The following TEX36 variants were observed in gnomAD, a reference collection of about 807,000 sequenced individuals.
TEX36 encodes testis expressed 36.
A neutral mutation model predicts 13.6 loss-of-function variants in TEX36; 12 were observed. The observed-to-expected ratio is 0.88, with a 90% confidence interval of 0.56 to 1.43. The LOEUF (loss-of-function observed/expected upper bound fraction) is 1.43. Among genes scored for constraint, TEX36 ranks in the 40% most tolerant of loss-of-function variants. The pLI is 0.00. For missense variants in TEX36, 224 were observed against 228.3 expected, an observed-to-expected ratio of 0.98 and a Z score of 0.12; for synonymous variants, 93 against 83.0, an observed-to-expected ratio of 1.12 and a Z score of -0.65.
chr10:125,631,147 G>A (rs1041091185), intron 3 of TEX36, among the ~76,000 whole-genome samples: 3 of 152,230 alleles, frequency 2.0e-5, no homozygotes, highest in Admixed American at 1.3e-4. Context: ...CATGCTGAAA[G>A]GATTTTATTA....
chr10:125,650,035 C>T (rs1178304774), intron 3 of TEX36, among the ~76,000 whole-genome samples: 1 of 152,160 alleles, frequency 6.6e-6, no homozygotes, highest in East Asian at 1.9e-4. Context: ...TAGATTCCCA[C>T]ACAATAATTA....
At chr10:125,577,152 C>G (rs1235440578) in intron 3 of TEX36, among the ~76,000 whole-genome samples, 2 of 152,032 alleles carry the variant, frequency 1.3e-5, no homozygotes, top group Non-Finnish European at 2.9e-5. Flanking sequence ...GGGTTGAAAC[C>G]AGGAAGGAAG....
intron 3 of TEX36, among the ~76,000 whole-genome samples, 185 bp downstream of exon 3, chr10:125,660,836 G>A (rs1847023538): frequency 9.0e-6 from 1 of 111,356 alleles, no homozygotes; most frequent in Non-Finnish European, 2.0e-5. Context: ...TCTTGAAAGC[G>A]GCGTGGAATT....
At chr10:125,588,884 G>A (rs1425236403) in intron 3 of TEX36, among the ~76,000 whole-genome samples, 1 of 152,180 alleles carries the variant, frequency 6.6e-6, no homozygotes, top group Non-Finnish European at 1.5e-5. Flanking sequence ...CCAAAGTGCT[G>A]GGATTGCAGG....
At chr10:125,661,142 C>T (rs1847030497) in intron 2 of TEX36, 41 bp from the exon 3 acceptor site, 1 of 1,477,550 alleles carries the variant, frequency 6.8e-7, no homozygotes, top group East Asian at 2.5e-5. Flanking sequence ...CACATTAGAA[C>T]CCTGCATGCT....
intron 3 of TEX36, among the ~76,000 whole-genome samples, chr10:125,638,360 A>AAG (rs913979651): frequency 4.0e-5 from 6 of 151,690 alleles, no homozygotes; most frequent in South Asian, 2.1e-4. Flanking sequence ...CTAAAAAAGA[A>AAG]AGAGAGAGAG....
rs1589770099 is a variant in TEX36, at chr10:125,645,214, A to G, written c.264+15807T>C. On this transcript the variant is annotated intron_variant, in intron 3 of 3. Transcript: ENST00000526819. ...CTAAATTTGTAGTCACTTGTTACAC[A>G]GTACTATAGTTTTAATATTTTCCCT... 2.0e-5 allele frequency among the ~76,000 whole-genome samples: 3 copies of G among 152,322 alleles called. No homozygotes were observed. The South Asian group carries it at 6.2e-4, about 32-fold the overall frequency.
intron 3 of TEX36, among the ~76,000 whole-genome samples, chr10:125,657,677 A>G (rs922214008): frequency 6.6e-6 from 1 of 152,180 alleles, no homozygotes; most frequent in Non-Finnish European, 1.5e-5. Flanking sequence ...CTGCAACTGA[A>G]ATCCCAGGAT....
intron 3 of TEX36, among the ~76,000 whole-genome samples, chr10:125,641,369 G>A (rs1846689806): frequency 6.6e-6 from 1 of 152,192 alleles, no homozygotes; most frequent in South Asian, 2.1e-4. Context: ...GTTTCATATA[G>A]GAAATCATCA....
chr10:125,677,967 C>G (rs1322152792), intron 1 of TEX36, among the ~76,000 whole-genome samples: 1 of 152,212 alleles, frequency 6.6e-6, no homozygotes, highest in African/African-American at 2.4e-5. Context: ...CAGGCATGAG[C>G]CACTGCACCC....
chr10:125,636,538 A>G (rs1014898860), intron 3 of TEX36, among the ~76,000 whole-genome samples: 1 of 152,128 alleles, frequency 6.6e-6, no homozygotes, highest in Non-Finnish European at 1.5e-5. Flanking sequence ...TATATGGTTG[A>G]CTCATTACAT....
chr10:125,669,162 G>A (rs1847177091), intron 1 of TEX36, among the ~76,000 whole-genome samples: 1 of 152,018 alleles, frequency 6.6e-6, no homozygotes, highest in East Asian at 1.9e-4. Flanking sequence ...GTGATGGTGT[G>A]CACCTGTAGT....
chr10:125,587,983 T>C (rs188575234), intron 3 of TEX36, among the ~76,000 whole-genome samples: 11 of 152,178 alleles, frequency 7.2e-5, no homozygotes, highest in Non-Finnish European at 4.4e-5. Flanking sequence ...TTTAACTAGA[T>C]TCTCCATCTG....
Position 125,594,897 on chromosome 10 carries a change from C to G in TEX36, c.265-18023G>C, listed in dbSNP as rs115951846. On this transcript the variant is annotated intron_variant, in intron 3 of 3. Coordinates refer to the TEX36 transcript ENST00000532135. ...GAATATACAGAATCCACAGAACCAA[C>G]ATTTGTTTTGTAAACTTAAATAGAC... 3.9e-3 allele frequency among the ~76,000 whole-genome samples: 594 copies of G among 152,256 alleles called. 4 individuals carry two copies. The highest frequency in any genetic ancestry group is 0.013 in the African/African-American group (533 of 41,566).
chr10:125,603,521 C>A (rs114487610), intron 3 of TEX36, among the ~76,000 whole-genome samples: 7 of 152,234 alleles, frequency 4.6e-5, no homozygotes, highest in Admixed American at 4.6e-4. Flanking sequence ...GAACCTTATA[C>A]TGCACAGTGG....
chr10:125,626,910 G>T (rs1040540423), intron 3 of TEX36, among the ~76,000 whole-genome samples: 3 of 152,174 alleles, frequency 2.0e-5, no homozygotes, highest in Non-Finnish European at 4.4e-5. Flanking sequence ...CCTCCTGGAG[G>T]CTCCTTCCCA....
intron 1 of TEX36, among the ~76,000 whole-genome samples, chr10:125,679,455 C>A (rs1308281287): frequency 6.6e-6 from 1 of 152,174 alleles, no homozygotes; most frequent in Non-Finnish European, 1.5e-5. Context: ...CCCAGCATGA[C>A]CTTCCTCCCT....
At chr10:125,605,872 G>A (rs971367135) in intron 3 of TEX36, among the ~76,000 whole-genome samples, 16 of 152,340 alleles carry the variant, frequency 1.1e-4, no homozygotes, top group Non-Finnish European at 2.2e-4. Flanking sequence ...AAAGGGCTGG[G>A]CTTACAGGCA....
downstream of TEX36, among the ~76,000 whole-genome samples, chr10:125,653,799 C>G (rs1400664792): frequency 6.6e-6 from 1 of 152,064 alleles, no homozygotes; most frequent in Admixed American, 6.6e-5. Context: ...GGCAACATAG[C>G]TAGATCCCAT....
Sources: gnomAD v4.1 joint callset for allele counts (sites outside exome capture counted in the v4.1 genomes callset) on GRCh38, gnomAD v4.1.1 for gene constraint, MANE v1.5 for transcripts, NCBI Gene and HGNC (gene_info 2026-07-23, HGNC 2026-07-21) for gene names.